Variants in PYY observed in about 807,000 individuals in gnomAD.
PYY encodes the protein peptide YY.
PYY carries 12 observed loss-of-function variants against 10.3 expected under a neutral mutation model. The observed-to-expected ratio is 1.17, with a 90% CI of 0.75 to 1.89. PYY has a LOEUF of 1.89. PYY is among the 40% of genes most tolerant of loss of function. The probability of loss-of-function intolerance (pLI) is 0.00; values close to 1 mark genes in which losing one functional copy is unlikely to be tolerated. For synonymous variants in PYY, 66 were observed against 62.0 expected (o/e 1.06, Z -0.30); for missense variants, 141 against 134.0 (o/e 1.05, Z -0.26).
intron 1 of PYY, among the ~76,000 whole-genome samples, chr17:43,999,491 C>A (rs866282565): frequency 6.6e-6 from 1 of 151,980 alleles, no homozygotes; most frequent in Admixed American, 6.6e-5. Context: ...CGCCTGTAAT[C>A]CCAGCACTTT....
intron 2 of PYY, among the ~76,000 whole-genome samples, chr17:43,961,231 A>G (rs373437106): frequency 1.3e-4 from 20 of 151,958 alleles, no homozygotes; most frequent in African/African-American, 4.6e-4. Flanking sequence ...ATCTCAAAAA[A>G]AAAAACAAAC....
intron 1 of PYY, among the ~76,000 whole-genome samples, chr17:43,975,206 A>T (rs956906933): frequency 2.0e-5 from 3 of 152,192 alleles, no homozygotes; most frequent in African/African-American, 7.2e-5. Flanking sequence ...ATCTGTTCTT[A>T]ATGGTTTCTG....
At chr17:43,995,697 G>C (rs1036044176) in intron 1 of PYY, among the ~76,000 whole-genome samples, 2 of 151,996 alleles carry the variant, frequency 1.3e-5, no homozygotes, top group Admixed American at 1.3e-4. Context: ...AGCCGGGTGT[G>C]GTGGCAGGCG....
intron 1 of PYY, among the ~76,000 whole-genome samples, chr17:43,976,608 C>G (rs1431561607): frequency 6.6e-6 from 1 of 151,960 alleles, no homozygotes; most frequent in Non-Finnish European, 1.5e-5. Context: ...CCCATCTCTA[C>G]TAAAAATACA....
chr17:43,974,687 C>A (rs1036554920), intron 1 of PYY, among the ~76,000 whole-genome samples: 1 of 152,110 alleles, frequency 6.6e-6, no homozygotes, highest in Admixed American at 6.6e-5. Context: ...GCAGGATGCG[C>A]CCTCAGTGTG....
At chr17:43,964,478 C>T (rs1023386534) in intron 2 of PYY, among the ~76,000 whole-genome samples, 5 of 152,314 alleles carry the variant, frequency 3.3e-5, no homozygotes, top group East Asian at 1.9e-4. Context: ...TGGCTGGATG[C>T]GGTGGCTGAC....
intron 2 of PYY, among the ~76,000 whole-genome samples, chr17:43,965,833 A>T (rs2048752694): frequency 6.6e-6 from 1 of 150,878 alleles, no homozygotes. Flanking sequence ...AGAAACAAGT[A>T]AAATTATATT....
intron 1 of PYY, among the ~76,000 whole-genome samples, chr17:43,973,838 G>C (rs1010146243): frequency 1.3e-5 from 2 of 152,024 alleles, no homozygotes; most frequent in African/African-American, 4.8e-5. Context: ...ACAGACAATC[G>C]CAAAAACAAG....
At chr17:43,994,458 A>G (rs2048977790) in intron 1 of PYY, among the ~76,000 whole-genome samples, 3 of 152,074 alleles carry the variant, frequency 2.0e-5, no homozygotes, top group Non-Finnish European at 2.9e-5. Flanking sequence ...AGCCGCAGCC[A>G]CCGTGTAAGG....
At chr17:43,958,090 C>A (rs1481320618), upstream of PYY, 1 of 132,256 alleles carries the variant, frequency 7.6e-6, no homozygotes, top group Non-Finnish European at 1.5e-5. Context: ...CTGTTGACAC[C>A]GTTAGGTTCA....
chr17:43,975,888 A>G (rs752889886), intron 1 of PYY, among the ~76,000 whole-genome samples: 706 of 5,544 alleles, frequency 0.13, 309 homozygotes, highest in East Asian at 1. Flanking sequence ...GTACGTGTAC[A>G]TACACGTGTC....
chr17:43,957,912 G>C (rs1313084964), upstream of PYY: 3 of 154,560 alleles, frequency 1.9e-5, no homozygotes, highest in African/African-American at 4.8e-5. Flanking sequence ...TATGGTAGGA[G>C]CTCTCCTAGG....
chr17:43,975,112 G>A (rs1455786916), intron 1 of PYY, among the ~76,000 whole-genome samples: 2 of 152,154 alleles, frequency 1.3e-5, no homozygotes, highest in African/African-American at 2.4e-5. Flanking sequence ...GTGCCTTGCT[G>A]AAGTCCAGAC....
intron 1 of PYY, among the ~76,000 whole-genome samples, chr17:43,999,797 T>G (rs2049014258): frequency 6.6e-6 from 1 of 150,406 alleles, no homozygotes; most frequent in Non-Finnish European, 1.5e-5. Context: ...AGAAGTTTTG[T>G]TAAGATGGAA....
upstream of PYY, among the ~76,000 whole-genome samples, chr17:43,958,671 C>T (rs1356526105): frequency 4.6e-5 from 7 of 152,190 alleles, no homozygotes; most frequent in Non-Finnish European, 7.3e-5. Flanking sequence ...TGAGCCACCA[C>T]ACCCGGCCCC....
chr17:43,982,628 C>G (rs749522987), intron 1 of PYY, among the ~76,000 whole-genome samples: 1 of 152,150 alleles, frequency 6.6e-6, no homozygotes, highest in African/African-American at 2.4e-5. Context: ...GGTTAAGGCA[C>G]GTGGAAGGAA....
At chr17:43,976,417 A>C (rs1035792707) in intron 1 of PYY, among the ~76,000 whole-genome samples, 1 of 59,014 alleles carries the variant, frequency 1.7e-5, no homozygotes, top group East Asian at 3.1e-3. Context: ...ATTCATGTAT[A>C]CATATACATA....
At chr17:43,977,227 G>A (rs2048855200) in intron 1 of PYY, among the ~76,000 whole-genome samples, 1 of 152,154 alleles carries the variant, frequency 6.6e-6, no homozygotes, top group South Asian at 2.1e-4. Flanking sequence ...ATTTACCCAG[G>A]CACTTGTTAG....
intron 2 of PYY, among the ~76,000 whole-genome samples, chr17:43,964,116 T>A (rs1271525917): frequency 6.6e-6 from 1 of 152,188 alleles, no homozygotes; most frequent in Non-Finnish European, 1.5e-5. Flanking sequence ...AGTGCAATGG[T>A]GCAATCAGCC....
Sources: allele counts gnomAD v4.1 joint callset (sites outside exome capture counted in the v4.1 genomes callset), GRCh38; gene constraint gnomAD v4.1.1; transcripts MANE v1.5; gene names NCBI Gene and HGNC (gene_info 2026-07-23, HGNC 2026-07-21).